Variants in LYPD6 observed in about 807,000 individuals in gnomAD.
LYPD6 encodes the protein ly6/PLAUR domain-containing protein 6.
LYPD6 carries 15 observed loss-of-function variants against 22.7 expected under a neutral mutation model. The observed-to-expected ratio is 0.66, with a 90% confidence interval of 0.44 to 1.02. The LOEUF is 1.02. LYPD6 is among the 50% of genes least tolerant of loss of function. The pLI is 0.00. For missense variants in LYPD6, 189 were observed against 208.4 expected (o/e 0.91, Z 0.57); for synonymous variants, 72 against 77.5 (o/e 0.93, Z 0.37).
chr2:149,333,763 C>T (rs1009347830), intron 1 of LYPD6, among the ~76,000 whole-genome samples: 2 of 152,112 alleles, frequency 1.3e-5, no homozygotes, highest in Non-Finnish European at 2.9e-5. Flanking sequence ...CCAAATGCCC[C>T]GTTATTGTTA....
intron 1 of LYPD6, among the ~76,000 whole-genome samples, chr2:149,418,089 C>T (rs956603551): frequency 1.3e-5 from 2 of 152,150 alleles, no homozygotes; most frequent in African/African-American, 2.4e-5. Context: ...ACAGACAATT[C>T]GGATGTTTTC....
At chr2:149,388,618 G>C (rs1428682631) in intron 1 of LYPD6, among the ~76,000 whole-genome samples, 1 of 152,114 alleles carries the variant, frequency 6.6e-6, no homozygotes, top group East Asian at 1.9e-4. Flanking sequence ...ACTCCACTAG[G>C]GGGATGAGGA....
intron 1 of LYPD6, among the ~76,000 whole-genome samples, chr2:149,419,396 T>A (rs1045872178): frequency 2.0e-5 from 3 of 152,238 alleles, no homozygotes; most frequent in Non-Finnish European, 4.4e-5. Flanking sequence ...GATTGGATTT[T>A]ATTCATTTAT....
rs756334413 is a variant in LYPD6, at chr2:149,468,752, G to A, written c.325G>A (p.Asp109Asn). Reference protein sequence around the residue: ...LEECLSTGCRDSEHEGHKVCT... With the variant: ...LEECLSTGCRNSEHEGHKVCT... ...AGAGTGCTTATCCACTGGCTGCAGAGACTCCGAGCATGAAGGCCACAAGGT... is the reference window on the plus strand; with the variant it reads ...AGAGTGCTTATCCACTGGCTGCAGAAACTCCGAGCATGAAGGCCACAAGGT... Residue 109 changes from aspartate (D) to asparagine (N), a missense_variant, in exon 4 of 5, where the codon GAC (aspartate) becomes AAC (asparagine). Coordinates refer to ENST00000334166, the MANE Select transcript of LYPD6 (RefSeq NM_194317.5). 1.2e-6 allele frequency: 2 copies of A among 1,613,586 alleles called. No individual in the cohort carries two copies. Among genetic ancestry groups the A allele is most frequent in the Admixed American group, 3.3e-5 (2 of 59,994 alleles).
chr2:149,387,425 C>T (rs558798904), intron 1 of LYPD6, among the ~76,000 whole-genome samples: 3 of 152,236 alleles, frequency 2.0e-5, no homozygotes, highest in Admixed American at 2.0e-4. Context: ...TCATCTTGCC[C>T]TTTTTTGAGG....
chr2:149,335,673 AC>A (rs1214020431), intron 1 of LYPD6, among the ~76,000 whole-genome samples: 11 of 151,956 alleles, frequency 7.2e-5, no homozygotes, highest in African/African-American at 2.4e-4. Flanking sequence ...CCACTCACTC[AC>A]TCACCCAGAG....
At chr2:149,449,399 C>T (rs956654222) in intron 3 of LYPD6, among the ~76,000 whole-genome samples, 4 of 152,142 alleles carry the variant, frequency 2.6e-5, no homozygotes, top group Non-Finnish European at 1.5e-5. Context: ...TCGCCTGTAC[C>T]CCCGGGCCCA....
intron 1 of LYPD6, among the ~76,000 whole-genome samples, chr2:149,339,445 A>C (rs979551634): frequency 2.0e-5 from 3 of 152,168 alleles, no homozygotes; most frequent in Non-Finnish European, 4.4e-5. Flanking sequence ...CATGGCCCTC[A>C]GGGAAGCCCC....
chr2:149,468,922 C>T, intron 4 of LYPD6, 147 bp downstream of exon 4: 1 of 782,256 alleles, frequency 1.3e-6, no homozygotes, highest in East Asian at 2.6e-5. Flanking sequence ...GCTTCCTTTC[C>T]TGTTTACTCT....
the LYPD6 span, among the ~76,000 whole-genome samples, chr2:149,480,252 A>C: frequency 6.6e-6 from 1 of 151,904 alleles, no homozygotes; most frequent in Non-Finnish European, 1.5e-5. Flanking sequence ...TCAGGTGATC[A>C]GCCTGCCTCA....
At chr2:149,446,870 G>A (rs1160459497) in intron 2 of LYPD6, among the ~76,000 whole-genome samples, 1 of 152,174 alleles carries the variant, frequency 6.6e-6, no homozygotes, top group Non-Finnish European at 1.5e-5. Flanking sequence ...GAAAATCAAA[G>A]TGATATCTGG....
intron 1 of LYPD6, among the ~76,000 whole-genome samples, chr2:149,401,898 T>G (rs1028849571): frequency 1.3e-5 from 2 of 151,994 alleles, no homozygotes; most frequent in African/African-American, 4.8e-5. Flanking sequence ...AAGTTCAATG[T>G]ATCATTCTTA....
chr2:149,395,681 T>G (rs1682413721), intron 1 of LYPD6, among the ~76,000 whole-genome samples: 1 of 152,172 alleles, frequency 6.6e-6, no homozygotes, highest in Non-Finnish European at 1.5e-5. Context: ...TCCCCTCAAT[T>G]TGAATTATAA....
chr2:149,425,032 G>A (rs555301257), intron 1 of LYPD6, among the ~76,000 whole-genome samples: 1 of 152,262 alleles, frequency 6.6e-6, no homozygotes, highest in South Asian at 2.1e-4. Flanking sequence ...CAGGTTGTGT[G>A]TCATCCCTGT....
chr2:149,427,624 C>A (rs1192722887), intron 1 of LYPD6, among the ~76,000 whole-genome samples: 3 of 152,216 alleles, frequency 2.0e-5, no homozygotes, highest in Admixed American at 2.0e-4. Context: ...TACAGTCATG[C>A]ATATGCATAA....
chr2:149,377,781 A>ACGC (rs1681959696), intron 1 of LYPD6, among the ~76,000 whole-genome samples: 1 of 94,252 alleles, frequency 1.1e-5, no homozygotes, highest in Non-Finnish European at 2.2e-5. Flanking sequence ...CTTTGTCCCC[A>ACGC]CCCCCCCCCC....
chr2:149,389,845 C>T (rs1182206843), intron 1 of LYPD6, among the ~76,000 whole-genome samples: 1 of 152,144 alleles, frequency 6.6e-6, no homozygotes, highest in African/African-American at 2.4e-5. Flanking sequence ...AGCCCTCTCT[C>T]TCTTTGAGCT....
intron 1 of LYPD6, among the ~76,000 whole-genome samples, chr2:149,425,117 A>G (rs1683162931): frequency 6.6e-6 from 1 of 152,032 alleles, no homozygotes; most frequent in Admixed American, 6.6e-5. Context: ...TGGATGTCTT[A>G]TTGGTTTTCA....
chr2:149,376,941 G>A (rs1681934998), intron 1 of LYPD6, among the ~76,000 whole-genome samples: 1 of 152,188 alleles, frequency 6.6e-6, no homozygotes, highest in African/African-American at 2.4e-5. Flanking sequence ...TATATAAACT[G>A]TCTACAGTGC....
Sources: gnomAD v4.1 joint callset for allele counts (sites outside exome capture counted in the v4.1 genomes callset) on GRCh38, gnomAD v4.1.1 for gene constraint, MANE v1.5 for transcripts, NCBI Gene and HGNC (gene_info 2026-07-23, HGNC 2026-07-21) for gene names.